ZNF521: variants seen among roughly 807,000 people sequenced by gnomAD.
The protein encoded by ZNF521 is LYST-interacting protein 3.
In ZNF521, 14 loss-of-function variants were observed where a neutral mutation model predicts 105.5. The ratio of observed to expected loss-of-function variants is 0.13; its 90% CI spans 0.09 to 0.21. The LOEUF (loss-of-function observed/expected upper bound fraction) is 0.21. Among genes scored for constraint, ZNF521 ranks in the 10% least tolerant of loss-of-function variants. The pLI, the probability that ZNF521 is intolerant of heterozygous loss-of-function variation, is 1.00. For synonymous variants in ZNF521, 635 were observed against 606.0 expected, an observed-to-expected ratio of 1.05 and a Z score of -0.70; for missense variants, 1,233 against 1,629.7, an observed-to-expected ratio of 0.76 and a Z score of 4.19.
chr18:25,316,173 C>G (rs976874105), intron 3 of ZNF521, among the ~76,000 whole-genome samples: 1 of 151,548 alleles, frequency 6.6e-6, no homozygotes, highest in Non-Finnish European at 1.5e-5. Flanking sequence ...ATTGAGAAAG[C>G]AGCAAGATAA....
intron 5 of ZNF521, among the ~76,000 whole-genome samples, chr18:25,183,117 A>G (rs893076225): frequency 1.3e-5 from 2 of 152,170 alleles, no homozygotes; most frequent in Admixed American, 6.5e-5. Flanking sequence ...TCTGTCTAAT[A>G]CTCATTATTT....
intron 7 of ZNF521, among the ~76,000 whole-genome samples, chr18:25,077,641 G>A (rs1020410244): frequency 6.6e-6 from 1 of 152,162 alleles, no homozygotes; most frequent in African/African-American, 2.4e-5. Flanking sequence ...GAAAGGGAGG[G>A]ATGAGAGATG....
At chr18:25,135,666 G>T (rs181867868) in intron 5 of ZNF521, among the ~76,000 whole-genome samples, 5 of 152,202 alleles carry the variant, frequency 3.3e-5, no homozygotes, top group Admixed American at 3.3e-4. Context: ...GGGCCCCTTG[G>T]GGGACTCCTT....
intron 5 of ZNF521, among the ~76,000 whole-genome samples, chr18:25,130,517 C>CTTTG (rs1301954731): frequency 6.6e-6 from 1 of 152,144 alleles, no homozygotes; most frequent in Non-Finnish European, 1.5e-5. Context: ...TCAATTGTAG[C>CTTTG]AAATGTACCA....
At chr18:25,217,504 C>T (rs528793168) in intron 4 of ZNF521, among the ~76,000 whole-genome samples, 8 of 152,190 alleles carry the variant, frequency 5.3e-5, no homozygotes, top group East Asian at 3.9e-4. Flanking sequence ...AAGAGGAAAA[C>T]GTTTCAGGAG....
rs537771381 is a variant in ZNF521, at chr18:25,297,051, TC to T, written c.220+24956del. ...TAAAGCCTTGTAAGTAGCAACCATTTCTTTATACATTTTTCCCATACACACA... is the reference window on the plus strand; with the variant it reads ...TAAAGCCTTGTAAGTAGCAACCATTTTTTATACATTTTTCCCATACACACA... On this transcript the variant is annotated intron_variant, in intron 3 of 7. Coordinates refer to ENST00000361524, the MANE Select transcript of ZNF521 (RefSeq NM_015461.3). Among the ~76,000 whole-genome samples the T allele has an allele frequency of 4.0e-5, 6 of 151,866 alleles. No homozygotes were observed. The East Asian group carries it at 1.2e-3, about 29-fold the overall frequency.
At chr18:25,179,995 T>C (rs2035603404) in intron 5 of ZNF521, among the ~76,000 whole-genome samples, 1 of 152,212 alleles carries the variant, frequency 6.6e-6, no homozygotes, top group African/African-American at 2.4e-5. Flanking sequence ...AGACCTTTGA[T>C]GTATGTATTT....
chr18:25,173,179 C>T (rs576583209), intron 5 of ZNF521, among the ~76,000 whole-genome samples: 1 of 152,158 alleles, frequency 6.6e-6, no homozygotes, highest in Non-Finnish European at 1.5e-5. Flanking sequence ...TATGTACATT[C>T]CCACAGTTTG....
intron 7 of ZNF521, 139 bp downstream of exon 7, chr18:25,089,326 T>G (rs1300123091): frequency 1.5e-6 from 1 of 650,020 alleles, no homozygotes; most frequent in Non-Finnish European, 2.6e-6. Flanking sequence ...AGGCTCTAAT[T>G]TTCCCTTTGC....
At chr18:25,339,153 T>C (rs752199379) in intron 2 of ZNF521, among the ~76,000 whole-genome samples, 10 of 152,206 alleles carry the variant, frequency 6.6e-5, no homozygotes, top group Non-Finnish European at 1.3e-4. Context: ...ACACTATTGT[T>C]GTAAAACTAA....
At chr18:25,138,670 C>T (rs2034782829) in intron 5 of ZNF521, among the ~76,000 whole-genome samples, 1 of 152,114 alleles carries the variant, frequency 6.6e-6, no homozygotes, top group Admixed American at 6.6e-5. Flanking sequence ...ACAGATCTTT[C>T]ATACTTTTCA....
chr18:25,279,953 T>C (rs1910261673), intron 3 of ZNF521, among the ~76,000 whole-genome samples: 1 of 152,204 alleles, frequency 6.6e-6, no homozygotes, highest in Non-Finnish European at 1.5e-5. Flanking sequence ...TTTTACAGCA[T>C]AATGTCACAA....
chr18:25,097,106 T>C (rs556586721), intron 5 of ZNF521, among the ~76,000 whole-genome samples: 2 of 151,908 alleles, frequency 1.3e-5, no homozygotes, highest in South Asian at 4.2e-4. Context: ...GTCCGAGGAG[T>C]AACAAAGAAA....
intron 7 of ZNF521, among the ~76,000 whole-genome samples, chr18:25,074,121 T>G (rs1363490534): frequency 6.6e-6 from 1 of 152,190 alleles, no homozygotes; most frequent in African/African-American, 2.4e-5. Context: ...CGCATGTCCA[T>G]TTCCACGCCT....
intron 3 of ZNF521, among the ~76,000 whole-genome samples, chr18:25,318,543 A>G (rs1469260965): frequency 1.3e-5 from 2 of 152,214 alleles, no homozygotes; most frequent in Non-Finnish European, 2.9e-5. Context: ...ATCAGCAAGC[A>G]ATTTTGAAAC....
At chr18:25,068,098 G>T (rs549712786) in intron 7 of ZNF521, among the ~76,000 whole-genome samples, 2 of 152,072 alleles carry the variant, frequency 1.3e-5, no homozygotes. Context: ...TTAGAAACCC[G>T]AATTTAAACT....
At chr18:25,230,097 A>G (rs1906437145) in intron 3 of ZNF521, among the ~76,000 whole-genome samples, 1 of 152,158 alleles carries the variant, frequency 6.6e-6, no homozygotes, top group African/African-American at 2.4e-5. Context: ...GAAGGTTAGG[A>G]TCAAGGTTTT....
At chr18:25,251,960 T>G (rs2144851655) in intron 3 of ZNF521, among the ~76,000 whole-genome samples, 1 of 152,298 alleles carries the variant, frequency 6.6e-6, no homozygotes, top group South Asian at 2.1e-4. Flanking sequence ...TAAATTCTGC[T>G]CCACAATCAT....
chr18:25,095,823 A>G (rs1243813453), intron 5 of ZNF521, among the ~76,000 whole-genome samples: 1 of 152,212 alleles, frequency 6.6e-6, no homozygotes, highest in East Asian at 1.9e-4. Context: ...AACTATCAGA[A>G]TGCAATTTAG....
Sources: allele counts gnomAD v4.1 joint callset (sites outside exome capture counted in the v4.1 genomes callset), GRCh38; gene constraint gnomAD v4.1.1; transcripts MANE v1.5; gene names NCBI Gene and HGNC (gene_info 2026-07-23, HGNC 2026-07-21).